ODF2L: variants seen among roughly 807,000 people sequenced by gnomAD.
ODF2L encodes the protein outer dense fiber of sperm tails 2 like, also known as protein BCAP.
A neutral mutation model predicts 86.3 loss-of-function variants in ODF2L; 76 were observed. The ratio of observed to expected loss-of-function variants is 0.88; its 90% CI spans 0.73 to 1.07. The LOEUF (loss-of-function observed/expected upper bound fraction) is 1.07. Among genes scored for constraint, ODF2L ranks in the 50% least tolerant of loss-of-function variants. The pLI is 0.00. For synonymous variants in ODF2L, 241 were observed against 231.3 expected, an observed-to-expected ratio of 1.04 and a Z score of -0.38; for missense variants, 748 against 717.4, an observed-to-expected ratio of 1.04 and a Z score of -0.49.
Position 86,382,304 on chromosome 1 carries a change from G to A in ODF2L, c.562C>T (p.Arg188Ter), listed in dbSNP as rs147978713. 93 of 1,611,338 alleles carry A rather than the reference G, an allele frequency of 5.8e-5. No individual in the cohort carries two copies. The Admixed American group carries it at 8.7e-4, about 15-fold the overall frequency. ...CTTTTATGAATTTGGATCTGTAGTCGTTCATGTACTACTTTTACTGATTGG... is the reference window on the plus strand; with the variant it reads ...CTTTTATGAATTTGGATCTGTAGTCATTCATGTACTACTTTTACTGATTGG... The change falls in exon 7 of 18, where the codon CGA (arginine) becomes TGA (stop). Residue 188 changes from arginine (R) to a stop codon, truncating the protein, a stop_gained. Coordinates refer to ENST00000317336, the Ensembl canonical transcript of ODF2L. LOFTEE classifies it high-confidence loss of function.
intron 1 of ODF2L, among the ~76,000 whole-genome samples, chr1:86,394,390 C>T (rs1192327104): frequency 1.4e-5 from 2 of 141,802 alleles, no homozygotes; most frequent in Non-Finnish European, 3.0e-5. Flanking sequence ...CACTCCACTG[C>T]GGCAGAGCGA....
At chr1:86,352,972 T>C (rs1570343491) in exon 17 of ODF2L, 2 of 1,517,748 alleles carry the variant, frequency 1.3e-6, no homozygotes, top group Non-Finnish European at 1.8e-6. Context: ...ATTTTCTCTA[T>C]TTCTTCAGCA....
chr1:86,368,790 TA>T, intron 10 of ODF2L: 1 of 1,257,246 alleles, frequency 8.0e-7, no homozygotes, highest in Non-Finnish European at 1.0e-6. Context: ...TATTAAATGT[TA>T]AAAACATTGG....
At chr1:86,350,444 T>A (rs537612466) in exon 18 of ODF2L, 2 of 152,246 alleles carry the variant, frequency 1.3e-5, no homozygotes, top group African/African-American at 4.8e-5. Context: ...CATCCTTTTT[T>A]ATGGCTGCAT....
At chr1:86,389,984 T>C (rs1355082741) in intron 1 of ODF2L, among the ~76,000 whole-genome samples, 1 of 152,182 alleles carries the variant, frequency 6.6e-6, no homozygotes, top group African/African-American at 2.4e-5. Flanking sequence ...ACCAATCCTA[T>C]TGACACTACT....
chr1:86,390,577 A>C (rs1241492938), intron 1 of ODF2L, among the ~76,000 whole-genome samples: 3 of 152,234 alleles, frequency 2.0e-5, no homozygotes, highest in Non-Finnish European at 2.9e-5. Flanking sequence ...ATTAAAAACA[A>C]AAATCACACA....
chr1:86,348,900 TAC>T, downstream of ODF2L: 1 of 1,547,954 alleles, frequency 6.5e-7, no homozygotes, highest in Non-Finnish European at 8.6e-7. Context: ...AGGAAAAAAA[TAC>T]AGATAAGCAA....
chr1:86,384,822 CAT>C (rs1231019047), intron 3 of ODF2L, 21 bp from the exon 4 acceptor site: 1 of 1,477,066 alleles, frequency 6.8e-7, no homozygotes, highest in Non-Finnish European at 9.0e-7. Flanking sequence ...ATAAGAACCA[CAT>C]ACACATTTTA....
In ODF2L at chr1:86,372,448, CTG is replaced by C. The variant is rs1213221350; in HGVS notation, c.901_902del (p.Gln301AspfsTer2). On this transcript the variant is annotated frameshift_variant, in exon 9 of 18. Coordinates refer to ENST00000317336, the Ensembl canonical transcript of ODF2L. LOFTEE classifies it high-confidence loss of function. ...TTTCTTACTTTTTCATTGTTTCAAT[CTG>C]TACTTCCAATTCGGTTTTTTCTATC... 2 of 1,434,622 alleles carry C rather than the reference CTG, an allele frequency of 1.4e-6. No homozygotes were observed. Among genetic ancestry groups the C allele is most frequent in the African/African-American group, 2.9e-5 (2 of 67,846 alleles). 88.9% of individuals were successfully genotyped at this position (1,434,622 alleles called of 1,614,324 possible).
In ODF2L at chr1:86,371,222, G is replaced by A. The variant is rs144356056; in HGVS notation, c.921-69C>T. On this transcript the variant is annotated intron_variant, in intron 9 of 17. Coordinates refer to ENST00000317336, the Ensembl canonical transcript of ODF2L. ...TTTATTCAAATAACACATTTTAAGT[G>A]TGTTTCTGAAATCACTTTGGCCGGG... is the stretch of plus-strand genomic sequence containing the variant. 431 of 826,870 alleles carry A rather than the reference G, an allele frequency of 5.2e-4. 1 individual carries two copies. In the African/African-American group the frequency reaches 6.9e-3, roughly 13 times the overall value. The allele number at this position is 826,870 out of a possible 1,614,324, so 51.2% of individuals were successfully genotyped here.
chr1:86,386,223 A>AAAG (rs1300001422), intron 2 of ODF2L: 1 of 152,230 alleles, frequency 6.6e-6, no homozygotes, highest in Non-Finnish European at 1.5e-5. Flanking sequence ...TCCCCACTCT[A>AAAG]AAGAAGTATG....
At chr1:86,347,165 T>A, downstream of ODF2L, 1 of 152,272 alleles carries the variant, frequency 6.6e-6, no homozygotes, top group East Asian at 1.9e-4. Flanking sequence ...ACAAGTTTCA[T>A]ACCACAGCCA....
At chr1:86,395,986 A>C (rs990247608) in intron 1 of ODF2L, 47 bp downstream of exon 1, 3 of 152,280 alleles carry the variant, frequency 2.0e-5, no homozygotes, top group African/African-American at 4.8e-5. Context: ...GCCCAGCAGC[A>C]GCTAGGCTCC....
chr1:86,379,691 G>A (rs776527078), intron 7 of ODF2L, among the ~76,000 whole-genome samples: 28 of 152,144 alleles, frequency 1.8e-4, no homozygotes, highest in Non-Finnish European at 2.8e-4. Context: ...TAGGGGGCAC[G>A]CCCTGACACT....
At chr1:86,384,307 T>C (rs371769434) in intron 4 of ODF2L, among the ~76,000 whole-genome samples, 1 of 151,808 alleles carries the variant, frequency 6.6e-6, no homozygotes, top group East Asian at 1.9e-4. Flanking sequence ...AATTTTATAA[T>C]TTAAATGGAA....
intron 7 of ODF2L, among the ~76,000 whole-genome samples, chr1:86,379,101 C>A (rs1273277829): frequency 6.6e-6 from 1 of 152,142 alleles, no homozygotes; most frequent in Non-Finnish European, 1.5e-5. Context: ...GCCTCACTCC[C>A]CACTTGTCTT....
At chr1:86,372,694 T>G (rs866949293) in intron 8 of ODF2L, 154 bp from the exon 9 acceptor site, 9 of 424,066 alleles carry the variant, frequency 2.1e-5, no homozygotes, top group Admixed American at 4.4e-5. Flanking sequence ...TTTATAGCAG[T>G]GCAATTCATA....
chr1:86,360,708 A>G (rs1658970880), intron 11 of ODF2L, 172 bp from the exon 11 acceptor site: 2 of 412,056 alleles, frequency 4.9e-6, no homozygotes, highest in Admixed American at 4.3e-5. Flanking sequence ...AGTGACTAAT[A>G]ATTATGAACA....
At chr1:86,391,593 C>T (rs1367493378) in intron 1 of ODF2L, among the ~76,000 whole-genome samples, 11 of 152,116 alleles carry the variant, frequency 7.2e-5, no homozygotes, top group Admixed American at 7.2e-4. Context: ...CCCTATTCAA[C>T]AAATGGTGCT....
Sources: gnomAD v4.1 joint callset for allele counts (sites outside exome capture counted in the v4.1 genomes callset) on GRCh38, gnomAD v4.1.1 for gene constraint, MANE v1.5 for transcripts, NCBI Gene and HGNC (gene_info 2026-07-23, HGNC 2026-07-21) for gene names.